VRK2: variants seen among roughly 807,000 people sequenced by gnomAD.
VRK2 encodes serine/threonine-protein kinase VRK2.
In VRK2, 60 loss-of-function variants were observed where a neutral mutation model predicts 57.6. The observed-to-expected ratio is 1.04, with a 90% confidence interval of 0.85 to 1.29. VRK2 has a LOEUF of 1.29. VRK2 is among the 50% of genes most tolerant of loss of function. The pLI is 0.00. For missense variants in VRK2, 705 were observed against 588.1 expected, an observed-to-expected ratio of 1.20 and a Z score of -2.06; for synonymous variants, 231 against 199.2, an observed-to-expected ratio of 1.16 and a Z score of -1.35.
At chr2:58,148,988 T>G (rs1414902504) in intron 12 of VRK2, among the ~76,000 whole-genome samples, 1 of 151,770 alleles carries the variant, frequency 6.6e-6, no homozygotes, top group Non-Finnish European at 1.5e-5. Context: ...CCTAGTCTCC[T>G]CCATAAAATT....
At chr2:58,051,921 A>G (rs1175517851) in intron 2 of VRK2, among the ~76,000 whole-genome samples, 1 of 152,250 alleles carries the variant, frequency 6.6e-6, no homozygotes, top group Non-Finnish European at 1.5e-5. Context: ...AAGGGGAGGA[A>G]AAAGGAAGAA....
chr2:58,136,839 A>C (rs1680122899), intron 10 of VRK2, among the ~76,000 whole-genome samples: 1 of 139,022 alleles, frequency 7.2e-6, no homozygotes, highest in Admixed American at 7.3e-5. Flanking sequence ...TATATATCAT[A>C]TATATTATAT....
At chr2:58,051,817 G>A (rs1675789694) in intron 2 of VRK2, among the ~76,000 whole-genome samples, 1 of 152,134 alleles carries the variant, frequency 6.6e-6, no homozygotes, top group Admixed American at 6.5e-5. Context: ...GAAATAATGT[G>A]CCTCTAGCAT....
intron 12 of VRK2, 92 bp downstream of exon 12, chr2:58,146,566 G>T: frequency 7.0e-7 from 1 of 1,419,444 alleles, no homozygotes; most frequent in Non-Finnish European, 9.5e-7. Context: ...TCTCCTGAGG[G>T]CCAAGGTTGT....
chr2:58,149,780 A>AT (rs1163783488), intron 12 of VRK2, among the ~76,000 whole-genome samples: 4 of 151,566 alleles, frequency 2.6e-5, no homozygotes, highest in Non-Finnish European at 5.9e-5. Context: ...TGATCACATG[A>AT]TTTTTTCCCT....
chr2:58,159,277 C>T lies in VRK2; in HGVS notation c.1183-72C>T, dbSNP rs963581630. ...TATAACATTTTATTTAGCATTCTTA[C>T]ACACTACACAAAATAAATACTTGGA... On this transcript the variant is annotated intron_variant, in intron 12 of 12. Transcript: ENST00000340157. 5.2e-5 allele frequency: 62 copies of T among 1,183,828 alleles called. No homozygotes were observed. The Middle Eastern group carries it at 8.2e-4, about 16-fold the overall frequency. 73.3% of individuals were successfully genotyped at this position (1,183,828 alleles called of 1,614,324 possible).
At chr2:58,118,515 G>T (rs559446286) in intron 7 of VRK2, among the ~76,000 whole-genome samples, 1 of 152,238 alleles carries the variant, frequency 6.6e-6, no homozygotes, top group Non-Finnish European at 1.5e-5. Context: ...GGGATAGTGA[G>T]GGAAGCTGGA....
chr2:58,131,735 TCAAC>T, intron 8 of VRK2, 69 bp from the exon 9 acceptor site: 3 of 1,480,638 alleles, frequency 2.0e-6, no homozygotes, highest in Non-Finnish European at 1.8e-6. Context: ...CAGTAGTAGT[TCAAC>T]CAAAGATTTC....
chr2:58,056,423 A>G (rs1371083607), intron 2 of VRK2, among the ~76,000 whole-genome samples: 2 of 152,160 alleles, frequency 1.3e-5, no homozygotes, highest in African/African-American at 2.4e-5. Context: ...GTCCTCGGAA[A>G]ACACAATTCA....
chr2:58,137,471 C>G (rs1317236129), intron 10 of VRK2, among the ~76,000 whole-genome samples: 2 of 151,580 alleles, frequency 1.3e-5, no homozygotes, highest in African/African-American at 2.4e-5. Flanking sequence ...TGTTTCTTAG[C>G]ACAAACCATT....
At chr2:58,000,579 T>C (rs1673060468) in intron 1 of VRK2, among the ~76,000 whole-genome samples, 1 of 152,162 alleles carries the variant, frequency 6.6e-6, no homozygotes, top group Non-Finnish European at 1.5e-5. Context: ...TATTTATTTA[T>C]TCATTTATTT....
chr2:58,147,325 G>C (rs560408936), intron 12 of VRK2: 2 of 371,514 alleles, frequency 5.4e-6, no homozygotes, highest in South Asian at 2.4e-5. Flanking sequence ...AGTACTAATA[G>C]CAATCTTTTA....
chr2:57,997,323 T>G (rs1476718238), intron 1 of VRK2, among the ~76,000 whole-genome samples: 2 of 151,878 alleles, frequency 1.3e-5, no homozygotes, highest in Non-Finnish European at 2.9e-5. Context: ...TTACCAATAT[T>G]GGAGATGCCA....
intron 1 of VRK2, chr2:58,047,426 C>T: frequency 1.0e-6 from 1 of 985,414 alleles, no homozygotes; most frequent in African/African-American, 1.7e-5. Context: ...CCCTGAGAGG[C>T]TGTCGTTTCC....
chr2:58,077,265 G>A (rs1042878332), intron 2 of VRK2, among the ~76,000 whole-genome samples: 5 of 152,088 alleles, frequency 3.3e-5, no homozygotes, highest in African/African-American at 1.2e-4. Flanking sequence ...CAAACATTGT[G>A]TAGAACCTAG....
intron 3 of VRK2, among the ~76,000 whole-genome samples, chr2:58,040,579 T>C (rs984414279): frequency 3.3e-5 from 5 of 152,200 alleles, no homozygotes; most frequent in African/African-American, 1.2e-4. Context: ...AAGCCTTTGC[T>C]TCTGTGTGGA....
At chr2:57,943,478 A>G (rs933768729) in intron 1 of VRK2, among the ~76,000 whole-genome samples, 3 of 152,224 alleles carry the variant, frequency 2.0e-5, no homozygotes, top group Non-Finnish European at 4.4e-5. Context: ...GGGGACCTAG[A>G]AGTTGTAACA....
chr2:58,131,589 G>A (rs576951060), intron 8 of VRK2, among the ~76,000 whole-genome samples: 1 of 152,258 alleles, frequency 6.6e-6, no homozygotes, highest in Admixed American at 6.5e-5. Context: ...TGGAGGAGGT[G>A]AGGAAACTGA....
intron 1 of VRK2, among the ~76,000 whole-genome samples, chr2:57,988,615 T>G (rs1672671130): frequency 1.3e-5 from 2 of 152,244 alleles, no homozygotes; most frequent in South Asian, 4.1e-4. Flanking sequence ...CTTCTTGAGC[T>G]GGAATATCCA....
Sources: gnomAD v4.1 joint callset for allele counts (sites outside exome capture counted in the v4.1 genomes callset) on GRCh38, gnomAD v4.1.1 for gene constraint, MANE v1.5 for transcripts, NCBI Gene and HGNC (gene_info 2026-07-23, HGNC 2026-07-21) for gene names.